CDKAL1: variants seen among roughly 807,000 people sequenced by gnomAD.
CDKAL1 encodes CDKAL1 threonylcarbamoyladenosine tRNA methylthiotransferase.
CDKAL1 carries 32 observed loss-of-function variants against 68.2 expected under a neutral mutation model. That is an observed-to-expected ratio of 0.47 (90% CI 0.35 to 0.63). The LOEUF is 0.63. Among genes scored for constraint, CDKAL1 ranks in the 30% least tolerant of loss-of-function variants. CDKAL1 has a pLI of 0.00. For missense variants in CDKAL1, 606 were observed against 696.7 expected (o/e 0.87, Z 1.47); for synonymous variants, 234 against 244.3 (o/e 0.96, Z 0.39).
intron 9 of CDKAL1, among the ~76,000 whole-genome samples, chr6:20,861,902 T>G (rs1272744504): frequency 1.3e-5 from 2 of 152,230 alleles, no homozygotes; most frequent in African/African-American, 4.8e-5. Flanking sequence ...GAAGTCATAT[T>G]GAATGTTCCA....
intron 9 of CDKAL1, among the ~76,000 whole-genome samples, chr6:20,942,784 A>T (rs1233543607): frequency 6.7e-6 from 1 of 150,306 alleles, no homozygotes; most frequent in African/African-American, 2.4e-5. Context: ...GTGAAACCCC[A>T]TCTCTACTAA....
chr6:20,640,179 C>G (rs549036078), intron 4 of CDKAL1, among the ~76,000 whole-genome samples: 62 of 49,358 alleles, frequency 1.3e-3, no homozygotes, highest in African/African-American at 9.4e-3. Flanking sequence ...AAGAAACTCT[C>G]AAAACATGCT....
At chr6:20,672,240 T>C (rs1333404666) in intron 5 of CDKAL1, among the ~76,000 whole-genome samples, 3 of 20,044 alleles carry the variant, frequency 1.5e-4, no homozygotes, top group South Asian at 1.0e-3. Flanking sequence ...TTCTTTCTCT[T>C]TCTTTCTTTC....
intron 5 of CDKAL1, among the ~76,000 whole-genome samples, chr6:20,701,210 G>C (rs1771338774): frequency 6.6e-6 from 1 of 151,480 alleles, no homozygotes; most frequent in Admixed American, 6.6e-5. Context: ...GTTTAGAAAG[G>C]ATAGGGTTCT....
intron 4 of CDKAL1, among the ~76,000 whole-genome samples, chr6:20,564,090 G>A (rs116448592): frequency 6.6e-6 from 1 of 152,136 alleles, no homozygotes; most frequent in Non-Finnish European, 1.5e-5. Flanking sequence ...CAAATGTGAG[G>A]TAATATGTTT....
chr6:21,109,837 G>C (rs572525230), intron 13 of CDKAL1, among the ~76,000 whole-genome samples: 1 of 152,320 alleles, frequency 6.6e-6, no homozygotes, highest in Admixed American at 6.5e-5. Context: ...CAAAAAAGGC[G>C]ATGGCAAATC....
chr6:20,689,439 A>G (rs1770775544), intron 5 of CDKAL1, among the ~76,000 whole-genome samples: 1 of 152,150 alleles, frequency 6.6e-6, no homozygotes, highest in Admixed American at 6.5e-5. Context: ...TGGTGTCTCC[A>G]ATATTAGGGG....
At chr6:21,091,640 A>C (rs968770968) in intron 12 of CDKAL1, among the ~76,000 whole-genome samples, 9 of 152,118 alleles carry the variant, frequency 5.9e-5, no homozygotes, top group African/African-American at 1.7e-4. Flanking sequence ...AGTTGAGGGC[A>C]AGGGGAATTC....
intron 15 of CDKAL1, 72 bp from the exon 16 acceptor site, chr6:21,230,776 G>A (rs9460612): frequency 0.26 from 314,498 of 1,214,854 alleles, 48,055 homozygotes; most frequent in African/African-American, 0.68. Flanking sequence ...GGAACCCATT[G>A]CTTGATTGAT....
chr6:21,126,472 T>C (rs934240518), intron 13 of CDKAL1, among the ~76,000 whole-genome samples: 11 of 152,178 alleles, frequency 7.2e-5, no homozygotes, highest in African/African-American at 2.7e-4. Flanking sequence ...TCGTTACCCA[T>C]TCCCATCTCA....
chr6:21,138,908 T>C (rs919385653), intron 13 of CDKAL1, among the ~76,000 whole-genome samples: 2 of 152,190 alleles, frequency 1.3e-5, no homozygotes, highest in Non-Finnish European at 1.5e-5. Flanking sequence ...CCTTTCTCCT[T>C]CTGTGTGCCC....
At chr6:20,910,803 A>G (rs1175945773) in intron 9 of CDKAL1, among the ~76,000 whole-genome samples, 1 of 152,248 alleles carries the variant, frequency 6.6e-6, no homozygotes, top group Non-Finnish European at 1.5e-5. Flanking sequence ...TTGATGTCCT[A>G]TAAAAAGCAG....
Position 20,824,247 on chromosome 6 carries a change from A to G in CDKAL1, c.639-21828A>G, listed in dbSNP as rs139323517. ...GTTCTTTTGAGCCACAGGTAATCAT[A>G]TAAGTAGACTGGCTTGACAAGTCTA... is the stretch of plus-strand genomic sequence containing the variant. On this transcript the variant is annotated intron_variant, in intron 8 of 15. Transcript: ENST00000274695. 1.2e-3 allele frequency among the ~76,000 whole-genome samples: 181 copies of G among 152,274 alleles called. 1 individual carries two copies. The highest frequency in any genetic ancestry group is 2.0e-3 in the Non-Finnish European group (134 of 68,010).
At chr6:21,131,262 T>G (rs1040208905) in intron 13 of CDKAL1, among the ~76,000 whole-genome samples, 1 of 152,190 alleles carries the variant, frequency 6.6e-6, no homozygotes, top group East Asian at 1.9e-4. Flanking sequence ...CTCTGATAGA[T>G]TTAGTTGTAG....
chr6:20,544,595 C>CAAAAAAAA (rs747920604), intron 2 of CDKAL1, among the ~76,000 whole-genome samples: 3 of 56,712 alleles, frequency 5.3e-5, no homozygotes, highest in African/African-American at 2.0e-4. Context: ...AACTCCGTCT[C>CAAAAAAAA]AAAAAAAAAA....
At chr6:21,106,775 A>C (rs911341894) in intron 12 of CDKAL1, among the ~76,000 whole-genome samples, 1 of 152,170 alleles carries the variant, frequency 6.6e-6, no homozygotes, top group African/African-American at 2.4e-5. Flanking sequence ...GGATTTTGGT[A>C]TCTACGGGGA....
chr6:20,997,848 T>C (rs920338791), intron 10 of CDKAL1, among the ~76,000 whole-genome samples: 6 of 152,058 alleles, frequency 3.9e-5, no homozygotes, highest in African/African-American at 1.4e-4. Context: ...CTGTAATCCA[T>C]ATAAAATTGT....
At chr6:20,672,631 A>C (rs1295938817) in intron 5 of CDKAL1, among the ~76,000 whole-genome samples, 3 of 152,180 alleles carry the variant, frequency 2.0e-5, no homozygotes, top group African/African-American at 7.2e-5. Flanking sequence ...CTGGGATTAC[A>C]GGTGTGAGCT....
chr6:20,702,011 C>T (rs1014897916), intron 5 of CDKAL1, among the ~76,000 whole-genome samples: 4 of 152,034 alleles, frequency 2.6e-5, no homozygotes, highest in African/African-American at 9.7e-5. Flanking sequence ...CAGGAGGAAG[C>T]GGAAAGATGC....
Sources: allele counts gnomAD v4.1 joint callset (sites outside exome capture counted in the v4.1 genomes callset), GRCh38; gene constraint gnomAD v4.1.1; transcripts MANE v1.5; gene names NCBI Gene and HGNC (gene_info 2026-07-23, HGNC 2026-07-21).